Variants in CPNE1 observed in about 807,000 individuals in gnomAD.
CPNE1 encodes the protein copine-1.
CPNE1 carries 58 observed loss-of-function variants against 63.2 expected under a neutral mutation model. The observed-to-expected ratio is 0.92, with a 90% CI of 0.74 to 1.14. The LOEUF is 1.14. Among genes scored for constraint, CPNE1 ranks in the 50% most tolerant of loss-of-function variants. CPNE1 has a pLI of 0.00. For synonymous variants in CPNE1, 237 were observed against 249.0 expected (o/e 0.95, Z 0.45); for missense variants, 672 against 661.7 (o/e 1.02, Z -0.17).
At chr20:35,630,543 G>GA (rs1225221709) in intron 12 of CPNE1, 53 bp from the exon 13 acceptor site, 10 of 1,589,872 alleles carry the variant, frequency 6.3e-6, no homozygotes, top group African/African-American at 2.7e-5. Flanking sequence ...TGCTAAGAAT[G>GA]AAAAAGGACA....
chr20:35,661,438 T>C (rs2034225859), intron 1 of CPNE1, among the ~76,000 whole-genome samples: 2 of 152,160 alleles, frequency 1.3e-5, no homozygotes, highest in Non-Finnish European at 2.9e-5. Flanking sequence ...ACATCTAAAA[T>C]ACATATTCTA....
At position 35,654,956 on chromosome 20, in the gene CPNE1, C is replaced by T. The variant is rs2033808147; in HGVS notation, c.-1+9804G>A. 5.0e-6 allele frequency: 8 copies of T among 1,614,006 alleles called. No individual in the cohort carries two copies. The South Asian group carries it at 8.8e-5, about 18-fold the overall frequency. Reference sequence around the variant, plus strand: ...GGTGATGGATTATTAAAGTTGGATACTGTTGTGGGCAAGTTTACCCTGCTA... The same window carrying T: ...GGTGATGGATTATTAAAGTTGGATATTGTTGTGGGCAAGTTTACCCTGCTA... On this transcript the variant is annotated intron_variant, in intron 1 of 15. Coordinates refer to ENST00000397443, the MANE Select transcript of CPNE1 (RefSeq NM_152925.3).
At position 35,646,390 on chromosome 20, in the gene CPNE1, CT is replaced by C. The variant is rs559754204; in HGVS notation, c.1-13468del. Among the ~76,000 whole-genome samples the C allele has an allele frequency of 4.0e-3, 491 of 122,538 alleles. 1 individual carries two copies. Among genetic ancestry groups the C allele is most frequent in the South Asian group, 0.013 (50 of 3,780 alleles). The allele number at this position is 122,538 out of a possible 152,430, so 80.4% of individuals were successfully genotyped here. On this transcript the variant is annotated intron_variant, in intron 1 of 15. Transcript: ENST00000397443. ...GAAGCACAAACTCTAAGTGACAAGG[CT>C]TTTTTTTTTTTTTTTTGAGACAGGG... is the stretch of plus-strand genomic sequence containing the variant.
At chr20:35,650,832 TG>T (rs2033455931) in intron 1 of CPNE1, 1 of 152,596 alleles carries the variant, frequency 6.6e-6, no homozygotes, top group South Asian at 2.1e-4. Context: ...AAAAAGGCAC[TG>T]TATATATATA....
chr20:35,655,049 T>C (rs754773715), intron 1 of CPNE1: 2 of 1,614,040 alleles, frequency 1.2e-6, no homozygotes, highest in African/African-American at 2.7e-5. Context: ...AAGTTGGCAG[T>C]TTCAAAACGC....
Position 35,631,927 on chromosome 20 carries a change from A to G in CPNE1, c.537+18T>C. The G allele has an allele frequency of 6.2e-7, 1 of 1,610,782 alleles. No individual in the cohort carries two copies. Among genetic ancestry groups the G allele is most frequent in the Non-Finnish European group, 8.5e-7 (1 of 1,177,222 alleles). On this transcript the variant is annotated intron_variant, in intron 6 of 15. Coordinates refer to ENST00000397443, the MANE Select transcript of CPNE1 (RefSeq NM_152925.3). ...ATTATCTCCTACCCCAGCCCACCCA[A>G]TCCCAGGGGTCTCATACCTCAGATC...
chr20:35,664,390 G>A (rs2034417855), intron 1 of CPNE1: 1 of 152,234 alleles, frequency 6.6e-6, no homozygotes. Flanking sequence ...TATAACCTCT[G>A]CTTCACTGGG....
At chr20:35,648,869 C>T (rs1047147803) in intron 1 of CPNE1, 11 of 152,498 alleles carry the variant, frequency 7.2e-5, no homozygotes, top group African/African-American at 2.7e-4. Context: ...GGTTTAAAAA[C>T]AAAACAAAAC....
intron 1 of CPNE1, among the ~76,000 whole-genome samples, chr20:35,634,664 CT>C (rs1320642684): frequency 3.9e-5 from 6 of 152,148 alleles, no homozygotes; most frequent in Non-Finnish European, 8.8e-5. Context: ...GTCCAGATTT[CT>C]TTAACCTGAT....
chr20:35,661,274 T>C (rs1330717655), intron 1 of CPNE1, among the ~76,000 whole-genome samples: 1 of 152,210 alleles, frequency 6.6e-6, no homozygotes, highest in African/African-American at 2.4e-5. Flanking sequence ...CACAAGAATT[T>C]AACATAAGTG....
chr20:35,638,001 T>C (rs944834121), intron 1 of CPNE1, among the ~76,000 whole-genome samples: 3 of 152,248 alleles, frequency 2.0e-5, no homozygotes, highest in African/African-American at 7.2e-5. Context: ...AGTATCTATC[T>C]ATCCTACAGT....
At position 35,631,162 on chromosome 20, in the gene CPNE1, C is replaced by T; in HGVS notation, c.813G>A (p.Glu271=). The change falls in exon 10 of 16, where the codon GAG becomes GAA. Residue 271 remains glutamate (E), a synonymous_variant. Transcript: ENST00000397443. ...IRVKICRVET[E]YSFLDYVMGG... Reference sequence around the variant, plus strand: ...CCATCACATAGTCCAGAAAGGAGTACTCTGTTTCTACCTGCAAATGAAACC... The same window carrying T: ...CCATCACATAGTCCAGAAAGGAGTATTCTGTTTCTACCTGCAAATGAAACC... The T allele has an allele frequency of 6.2e-7, 1 of 1,614,086 alleles. No homozygotes were observed. Among genetic ancestry groups the T allele is most frequent in the Non-Finnish European group, 8.5e-7 (1 of 1,179,990 alleles).
At chr20:35,638,880 A>G (rs2032640008) in intron 1 of CPNE1, among the ~76,000 whole-genome samples, 1 of 152,238 alleles carries the variant, frequency 6.6e-6, no homozygotes, top group Non-Finnish European at 1.5e-5. Context: ...CAGAACAGGC[A>G]AAACGAATCT....
chr20:35,626,498 G>T, intron 15 of CPNE1, 69 bp downstream of exon 15: 1 of 1,587,612 alleles, frequency 6.3e-7, no homozygotes, highest in Non-Finnish European at 8.6e-7. Flanking sequence ...CATCCCTTGG[G>T]CCTCAACCCT....
At chr20:35,636,344 A>C (rs1193311554) in intron 1 of CPNE1, among the ~76,000 whole-genome samples, 1 of 152,218 alleles carries the variant, frequency 6.6e-6, no homozygotes, top group Non-Finnish European at 1.5e-5. Flanking sequence ...CACAGTACAG[A>C]GACAAATAAA....
chr20:35,654,902 G>T, intron 1 of CPNE1: 1 of 1,614,064 alleles, frequency 6.2e-7, no homozygotes, highest in Non-Finnish European at 8.5e-7. Flanking sequence ...TTGCTTTCAT[G>T]AACAGAAGTG....
intron 1 of CPNE1, chr20:35,654,241 T>G: frequency 1.2e-6 from 2 of 1,614,260 alleles, no homozygotes; most frequent in Non-Finnish European, 1.7e-6. Flanking sequence ...TCTGTTTCGT[T>G]TCAAAGCTTC....
chr20:35,630,351 G>C (rs116686196), intron 13 of CPNE1, 88 bp downstream of exon 13: 2 of 965,782 alleles, frequency 2.1e-6, no homozygotes, highest in African/African-American at 1.6e-5. Flanking sequence ...ATGAAGGCAG[G>C]TATCTGCCCC....
chr20:35,657,095 G>C (rs1246525919), intron 1 of CPNE1, among the ~76,000 whole-genome samples: 2 of 152,114 alleles, frequency 1.3e-5, no homozygotes, highest in Non-Finnish European at 2.9e-5. Context: ...AAAATAAAAA[G>C]CCACCTTCAA....
Sources: allele counts gnomAD v4.1 joint callset (sites outside exome capture counted in the v4.1 genomes callset), GRCh38; gene constraint gnomAD v4.1.1; transcripts MANE v1.5; gene names NCBI Gene and HGNC (gene_info 2026-07-23, HGNC 2026-07-21).